Variants in FAM120B observed in about 807,000 individuals in gnomAD.
FAM120B encodes constitutive coactivator of peroxisome proliferator-activated receptor gamma.
A neutral mutation model predicts 96.3 loss-of-function variants in FAM120B; 83 were observed. The ratio of observed to expected loss-of-function variants is 0.86; its 90% CI spans 0.72 to 1.03. The LOEUF (loss-of-function observed/expected upper bound fraction) is 1.03, where lower values mean the gene tolerates loss of function less well. FAM120B is among the 50% of genes least tolerant of loss of function. The pLI is 0.00. For synonymous variants in FAM120B, 407 were observed against 402.7 expected (o/e 1.01, Z -0.13); for missense variants, 1,027 against 1,121.2 (o/e 0.92, Z 1.20).
At position 170,336,767 on chromosome 6, in the gene FAM120B, C is replaced by T. The variant is rs12205433; in HGVS notation, c.2017+6217C>T. Among the ~76,000 whole-genome samples, 768 of 152,146 alleles carry T rather than the reference C, an allele frequency of 5.0e-3. 3 individuals are homozygous for T. Among genetic ancestry groups the T allele is most frequent in the Non-Finnish European group, 8.2e-3 (558 of 68,016 alleles). ...CTTCACGTCATTTGTAAGTTGTATT[C>T]CTAGGTATTTTATTCTCTGTGTAGC... On this transcript the variant is annotated intron_variant, in intron 4 of 10. Coordinates refer to ENST00000476287, the MANE Select transcript of FAM120B (RefSeq NM_032448.3).
At chr6:170,384,527 A>G (rs756221513) in intron 6 of FAM120B, among the ~76,000 whole-genome samples, 3 of 152,244 alleles carry the variant, frequency 2.0e-5, no homozygotes, top group Non-Finnish European at 4.4e-5. Flanking sequence ...CTTCAGGTAG[A>G]AATGGCCATG....
At position 170,318,657 on chromosome 6, in the gene FAM120B, C is replaced by T. The variant is rs371591706; in HGVS notation, c.1267C>T (p.Gln423Ter). 1 of 1,589,946 alleles carries T rather than the reference C, an allele frequency of 6.3e-7. No homozygotes were observed. ...VPMCTGPEARQEVPMYTDSEP... is the reference protein window; with the variant it reads ...VPMCTGPEAR The stretch of plus-strand genomic sequence containing the variant: ...CATGTGTACAGGCCCTGAAGCCAGG[C>T]AAGAAGTTCCCATGTATACAGACTC... Residue 423 changes from glutamine (Q) to a stop codon, truncating the protein, a stop_gained, in exon 2 of 11, where the codon CAA becomes TAA. Coordinates refer to ENST00000476287, the MANE Select transcript of FAM120B (RefSeq NM_032448.3). LOFTEE classifies it high-confidence loss of function.
intron 3 of FAM120B, 101 bp from the exon 4 acceptor site, chr6:170,330,348 T>A: frequency 2.6e-6 from 2 of 767,036 alleles, no homozygotes; most frequent in Non-Finnish European, 4.4e-6. Flanking sequence ...ATTTGAGAGC[T>A]CACCTTTGAA....
chr6:170,361,216 A>ATGTG (rs1554286416), intron 6 of FAM120B, among the ~76,000 whole-genome samples: 13 of 106,822 alleles, frequency 1.2e-4, no homozygotes, highest in Admixed American at 6.1e-4. Flanking sequence ...ATATATATAT[A>ATGTG]TATATATATA....
rs191682598 is a variant in FAM120B at position 170,352,804 on chromosome 6, C to G, written c.2190+4481C>G. Among the ~76,000 whole-genome samples, 204 of 152,208 alleles carry G rather than the reference C, an allele frequency of 1.3e-3. 1 individual carries two copies. Among genetic ancestry groups the G allele is most frequent in the African/African-American group, 4.6e-3 (192 of 41,542 alleles). ...GCTGGAAAGATCTCAAGTTAACAACCTGACATCTCTACTAAAAGAACTAGA... is the reference window on the plus strand; with the variant it reads ...GCTGGAAAGATCTCAAGTTAACAACGTGACATCTCTACTAAAAGAACTAGA... On this transcript the variant is annotated intron_variant, in intron 5 of 10. Coordinates refer to ENST00000476287, the MANE Select transcript of FAM120B (RefSeq NM_032448.3).
At chr6:170,399,854 A>ACT (rs1554293117) in intron 9 of FAM120B, among the ~76,000 whole-genome samples, 2,392 of 12,434 alleles carry the variant, frequency 0.19, 435 homozygotes, top group African/African-American at 0.25. Flanking sequence ...CTATGTCATA[A>ACT]CTTAGGAGTG....
In FAM120B at chr6:170,363,110, C is replaced by T. The variant is rs1788566822; in HGVS notation, c.2283+4792C>T. On this transcript the variant is annotated intron_variant, in intron 6 of 10. Transcript: ENST00000476287. The surrounding 1 kb of genome is among the most constrained non-coding windows in gnomAD (Gnocchi z 4.5). ...GCTCTGAAAGCCACAAAACCATCACCCCTCCTCCTGCTGGCTTTGTCTCCA... is the reference window on the plus strand; with the variant it reads ...GCTCTGAAAGCCACAAAACCATCACTCCTCCTCCTGCTGGCTTTGTCTCCA... 1.3e-5 allele frequency among the ~76,000 whole-genome samples: 2 copies of T among 152,108 alleles called. No homozygotes were observed. The highest frequency in any genetic ancestry group is 1.3e-4 in the Admixed American group (2 of 15,276).
At position 170,319,027 on chromosome 6, in the gene FAM120B, T is replaced by C; in HGVS notation, c.1637T>C (p.Met546Thr). The part of the protein sequence containing the change: ...TDFEFKLEAL[M>T]CTNPEIKQED... ...TTTGAATTTAAGCTAGAAGCTCTCA[T>C]GTGTACAAACCCTGAAATTAAACAA... is the stretch of plus-strand genomic sequence containing the variant. Residue 546 changes from methionine to threonine, a missense_variant, in exon 2 of 11, where the codon ATG becomes ACG. By Grantham distance (81) the Met-to-Thr change is moderately conservative. Coordinates refer to ENST00000476287, the MANE Select transcript of FAM120B (RefSeq NM_032448.3). The C allele has an allele frequency of 1.2e-6, 2 of 1,613,942 alleles. No individual in the cohort carries two copies. The highest frequency in any genetic ancestry group is 1.3e-5 in the African/African-American group (1 of 75,056).
At chr6:170,367,329 C>G (rs952747864) in intron 6 of FAM120B, among the ~76,000 whole-genome samples, 7 of 152,194 alleles carry the variant, frequency 4.6e-5, no homozygotes, top group Non-Finnish European at 1.0e-4. Context: ...GTGTTTGTTT[C>G]TAAATGGTTA....
intron 4 of FAM120B, among the ~76,000 whole-genome samples, chr6:170,339,778 CAAAAAAAAA>C (rs35932232): frequency 1.1e-5 from 1 of 90,262 alleles, no homozygotes; most frequent in Non-Finnish European, 2.3e-5. Flanking sequence ...GACTCCATCT[CAAAAAAAAA>C]AAAAAAAAAA....
chr6:170,291,856 C>T (rs1783885877), upstream of FAM120B, among the ~76,000 whole-genome samples: 3 of 152,200 alleles, frequency 2.0e-5, no homozygotes, highest in South Asian at 6.2e-4. Context: ...AGACACGCGC[C>T]CTCCCCCACA....
intron 5 of FAM120B, 23 bp downstream of exon 5, chr6:170,348,346 AG>A (rs1451699484): frequency 6.2e-7 from 1 of 1,608,832 alleles, no homozygotes; most frequent in Non-Finnish European, 8.5e-7. Flanking sequence ...TGCCCGTTCT[AG>A]TCACTGCAGC....
At position 170,358,327 on chromosome 6, in the gene FAM120B, G is replaced by T. The variant is rs369683119; in HGVS notation, c.2283+9G>T. ...AGCTTGTAAATCTACAGGTACAGAC[G>T]TGACCAGTTAGTTGTCACTGCCCGG... On this transcript the variant is annotated intron_variant, in intron 6 of 10. Transcript: ENST00000476287. The T allele has an allele frequency of 1.3e-6, 2 of 1,583,552 alleles. No homozygotes were observed. Among genetic ancestry groups the T allele is most frequent in the Admixed American group, 3.4e-5 (2 of 58,838 alleles).
rs761708667 is a variant in FAM120B, at chr6:170,395,535, A to G, written c.2648A>G (p.Tyr883Cys). ...AGCTACCACAGGACGGGCTCTGGGT[A>G]TAGCCGTTCCAGTCAGGGACAGCCG... ...GSSYHRTGSGYSRSSQGQPWR... is the reference protein window; with the variant it reads ...GSSYHRTGSGCSRSSQGQPWR... The change falls in exon 9 of 11, where the codon TAT becomes TGT. Residue 883 changes from tyrosine to cysteine, a missense_variant. Physicochemically the swap from Tyr to Cys is radical, Grantham distance 194. Around this residue, in one of 3 missense-constraint regions of FAM120B, gnomAD observed 142 missense variants for 122.5 expected, o/e 1.16. Coordinates refer to ENST00000476287, the MANE Select transcript of FAM120B (RefSeq NM_032448.3). The G allele has an allele frequency of 6.2e-7, 1 of 1,601,098 alleles. No individual in the cohort carries two copies. The highest frequency in any genetic ancestry group is 2.3e-5 in the East Asian group (1 of 44,356).
chr6:170,318,516 G>T lies in FAM120B; in HGVS notation c.1126G>T (p.Glu376Ter). The T allele has an allele frequency of 2.5e-6, 4 of 1,580,198 alleles. No individual in the cohort carries two copies. Among genetic ancestry groups the T allele is most frequent in the Non-Finnish European group, 3.4e-6 (4 of 1,160,706 alleles). Reference protein sequence around the residue: ...PVYTDSEPRQEVPMCSDPEPR... With the variant: ...PVYTDSEPRQ Reference sequence around the variant, plus strand: ...GTATACAGATTCTGAACCCAGGCAAGAAGTTCCCATGTGTTCAGACCCTGA... The same window carrying T: ...GTATACAGATTCTGAACCCAGGCAATAAGTTCCCATGTGTTCAGACCCTGA... The change falls in exon 2 of 11, where the codon GAA becomes TAA. Residue 376 changes from glutamate (E) to a stop codon, truncating the protein, a stop_gained. Transcript: ENST00000476287. LOFTEE classifies it high-confidence loss of function.
chr6:170,388,211 T>A, intron 6 of FAM120B, 76 bp from the exon 7 acceptor site: 1 of 1,279,118 alleles, frequency 7.8e-7, no homozygotes, highest in Non-Finnish European at 1.1e-6. Context: ...GCAGAGTAAC[T>A]TTGCAGAGCT....
intron 2 of FAM120B, among the ~76,000 whole-genome samples, chr6:170,319,684 A>T (rs984072007): frequency 2.6e-5 from 4 of 152,230 alleles, no homozygotes; most frequent in African/African-American, 9.6e-5. Context: ...AAGTACAGGG[A>T]GAAGTTCCCC....
At chr6:170,299,765 A>C (rs1784101843) in intron 1 of FAM120B, among the ~76,000 whole-genome samples, 1 of 152,236 alleles carries the variant, frequency 6.6e-6, no homozygotes, top group Non-Finnish European at 1.5e-5. Flanking sequence ...TCTCTCTCTT[A>C]TAATCAGGAA....
At chr6:170,338,359 C>G (rs1316906286) in intron 4 of FAM120B, among the ~76,000 whole-genome samples, 2 of 152,182 alleles carry the variant, frequency 1.3e-5, no homozygotes, top group African/African-American at 4.8e-5. Context: ...GTTTCTTAAT[C>G]CTGAGCTCTA....
Sources: gnomAD v4.1 joint callset for allele counts (sites outside exome capture counted in the v4.1 genomes callset) on GRCh38, gnomAD v4.1.1 for gene constraint, gnomAD v4.1.1 regional missense constraint, Gnocchi (gnomAD v3.1) non-coding constraint, MANE v1.5 for transcripts, NCBI Gene and HGNC (gene_info 2026-07-23, HGNC 2026-07-21) for gene names.